The following CHD1 variants were observed in gnomAD, a reference collection of about 807,000 sequenced individuals.
CHD1 encodes the protein ATP-dependent chromatin remodeler CHD1.
A neutral mutation model predicts 224.2 loss-of-function variants in CHD1; 36 were observed. That is an observed-to-expected ratio of 0.16 (90% confidence interval 0.12 to 0.21). The LOEUF (loss-of-function observed/expected upper bound fraction) is 0.21, where lower values mean the gene tolerates loss of function less well. Among genes scored for constraint, CHD1 ranks in the 10% least tolerant of loss-of-function variants. CHD1 has a pLI of 1.00. For missense variants in CHD1, 1,378 were observed against 1,994.8 expected (o/e 0.69, Z 5.89); for synonymous variants, 668 against 658.3 (o/e 1.01, Z -0.23).
At chr5:98,858,109 A>G in intron 35 of CHD1, 71 bp downstream of exon 35, 1 of 1,219,006 alleles carries the variant, frequency 8.2e-7, no homozygotes, top group Admixed American at 1.8e-5. Flanking sequence ...CTGACAGGTC[A>G]AATACAGGAA....
intron 15 of CHD1, among the ~76,000 whole-genome samples, chr5:98,890,590 G>GT (rs1322843522): frequency 6.6e-6 from 1 of 152,124 alleles, no homozygotes; most frequent in Non-Finnish European, 1.5e-5. Flanking sequence ...ACAGGTGAAT[G>GT]TGTCTTCTTC....
intron 2 of CHD1, among the ~76,000 whole-genome samples, chr5:98,911,176 T>TATATATATATATATATATATATATAGAG (rs1561540185): frequency 8.1e-6 from 1 of 122,974 alleles, no homozygotes; most frequent in African/African-American, 3.2e-5. Flanking sequence ...TATATATATA[T>TATATATATATATATATATATATATAGAG]AGAGGCATGT....
chr5:98,890,053 G>T (rs327803), intron 15 of CHD1, among the ~76,000 whole-genome samples: 48,833 of 151,984 alleles, frequency 0.32, 9,517 homozygotes, highest in African/African-American at 0.54. Flanking sequence ...ACTACTAGAG[G>T]GGGGAAGGAG....
In CHD1 at chr5:98,919,993, C is replaced by T. The variant is rs150037156; in HGVS notation, c.53+6341G>A. 3.2e-3 allele frequency among the ~76,000 whole-genome samples: 488 copies of T among 152,066 alleles called. 2 individuals carry two copies. Among genetic ancestry groups the T allele is most frequent in the Middle Eastern group, 0.01 (3 of 294 alleles). ...TAAGGCAGTGTGTAAAAGAAACATA[C>T]GAGCCAACCTAAAAAAGCTTCCAAG... On this transcript the variant is annotated intron_variant, in intron 2 of 35. Coordinates refer to ENST00000614616, the MANE Select transcript of CHD1 (RefSeq NM_001270.4).
chr5:98,871,369 CAAAAAAAAA>C lies in CHD1; in HGVS notation c.3862-575_3862-567del, dbSNP rs61406690. On this transcript the variant is annotated intron_variant, in intron 28 of 35. Transcript: ENST00000614616. ...TTCTCCCAGTGTTTCCCATTTTAGG[CAAAAAAAAA>C]AAAAAAAAAAAAAAAAAAAAAGGAT... is the stretch of plus-strand genomic sequence containing the variant. 2.1e-4 allele frequency among the ~76,000 whole-genome samples: 10 copies of C among 46,774 alleles called. No homozygotes were observed. In the South Asian group the frequency reaches 8.2e-3, roughly 38 times the overall value. 30.7% of individuals were successfully genotyped at this position (46,774 alleles called of 152,430 possible).
intron 10 of CHD1, among the ~76,000 whole-genome samples, chr5:98,897,654 A>G (rs973955350): frequency 2.0e-5 from 3 of 152,162 alleles, no homozygotes; most frequent in Non-Finnish European, 2.9e-5. Flanking sequence ...ACAAACCATA[A>G]AACTGGCTTA....
chr5:98,882,708 G>T (rs1458249955), intron 19 of CHD1, among the ~76,000 whole-genome samples: 1 of 152,090 alleles, frequency 6.6e-6, no homozygotes, highest in Non-Finnish European at 1.5e-5. Context: ...GTTTACATGT[G>T]GAGAATCTTG....
intron 6 of CHD1, 48 bp downstream of exon 6, chr5:98,901,138 A>C: frequency 6.3e-7 from 1 of 1,582,444 alleles, no homozygotes. Context: ...ATACAAAAAG[A>C]ACAAATACTT....
chr5:98,889,274 G>A (rs772873007), intron 15 of CHD1, 36 bp from the exon 16 acceptor site: 4 of 1,424,268 alleles, frequency 2.8e-6, no homozygotes, highest in Non-Finnish European at 2.9e-6. Context: ...ATGTTTAGCA[G>A]AACAATTACC....
chr5:98,857,259 A>G (rs1408714843), intron 35 of CHD1, among the ~76,000 whole-genome samples: 1 of 152,016 alleles, frequency 6.6e-6, no homozygotes. Flanking sequence ...CCATACAAAC[A>G]TGTGACAGCT....
intron 15 of CHD1, among the ~76,000 whole-genome samples, chr5:98,890,173 G>T (rs1237231265): frequency 1.3e-5 from 2 of 151,976 alleles, no homozygotes; most frequent in African/African-American, 2.4e-5. Flanking sequence ...AATAAAAGCT[G>T]AATTTAAAAA....
intron 5 of CHD1, among the ~76,000 whole-genome samples, chr5:98,901,897 A>G (rs918681642): frequency 1.7e-4 from 26 of 152,118 alleles, no homozygotes; most frequent in African/African-American, 6.0e-4. Context: ...TGCTATCATA[A>G]GAAGTTCAAA....
chr5:98,884,248 G>GT (rs1750475649), intron 18 of CHD1, among the ~76,000 whole-genome samples: 2 of 151,548 alleles, frequency 1.3e-5, no homozygotes, highest in Non-Finnish European at 2.9e-5. Context: ...TAATTTTTTT[G>GT]TATTTTTAGT....
rs1748013114 is a variant in CHD1 at position 98,856,273 on chromosome 5, T to C, written c.*107A>G. The C allele has an allele frequency of 9.4e-6, 7 of 745,412 alleles. No individual in the cohort carries two copies. Among genetic ancestry groups the C allele is most frequent in the African/African-American group, 3.5e-5 (2 of 57,026 alleles). 46.2% of individuals were successfully genotyped at this position (745,412 alleles called of 1,614,324 possible). ...TGGAAAGAAGTAACAATACTGCTACTGATAGAAGATCTGTTTATATCTTTC... is the reference window on the plus strand; with the variant it reads ...TGGAAAGAAGTAACAATACTGCTACCGATAGAAGATCTGTTTATATCTTTC... On this transcript the variant is annotated 3_prime_UTR_variant, in exon 36 of 36. Coordinates refer to ENST00000614616, the MANE Select transcript of CHD1 (RefSeq NM_001270.4).
intron 2 of CHD1, among the ~76,000 whole-genome samples, chr5:98,918,481 C>A (rs1191350181): frequency 1.3e-5 from 2 of 151,436 alleles, no homozygotes; most frequent in African/African-American, 4.9e-5. Context: ...CCATAAACAT[C>A]TTCCTGAGCC....
At chr5:98,862,079 C>T (rs1328607713) in intron 32 of CHD1, among the ~76,000 whole-genome samples, 2 of 152,054 alleles carry the variant, frequency 1.3e-5, no homozygotes, top group East Asian at 1.9e-4. Context: ...ATAGCTTGAG[C>T]CCAGGAGGCG....
intron 23 of CHD1, among the ~76,000 whole-genome samples, chr5:98,878,172 T>G (rs1300686980): frequency 1.3e-5 from 2 of 152,124 alleles, no homozygotes; most frequent in Non-Finnish European, 2.9e-5. Flanking sequence ...TCTCAAGCAC[T>G]TTGCCACGAA....
At chr5:98,885,101 A>T (rs1750554543) in intron 18 of CHD1, among the ~76,000 whole-genome samples, 1 of 152,140 alleles carries the variant, frequency 6.6e-6, no homozygotes, top group African/African-American at 2.4e-5. Context: ...ATAAAGAGTA[A>T]AATTCTTGGC....
chr5:98,907,185 C>A (rs1367288226), intron 2 of CHD1, among the ~76,000 whole-genome samples: 1 of 152,148 alleles, frequency 6.6e-6, no homozygotes, highest in Admixed American at 6.5e-5. Context: ...CAGCCCGAGG[C>A]TATGCTACTC....
Sources: allele counts gnomAD v4.1 joint callset (sites outside exome capture counted in the v4.1 genomes callset), GRCh38; gene constraint gnomAD v4.1.1; transcripts MANE v1.5; gene names NCBI Gene and HGNC (gene_info 2026-07-23, HGNC 2026-07-21).